BABAM2: variants seen among roughly 807,000 people sequenced by gnomAD.
BABAM2 encodes BRISC and BRCA1 A complex member 2.
A neutral mutation model predicts 54.7 loss-of-function variants in BABAM2; 31 were observed. That is an observed-to-expected ratio of 0.57 (90% confidence interval 0.43 to 0.77). BABAM2 has a LOEUF of 0.77. Ranked by LOEUF, BABAM2 falls within the 30% of genes least tolerant of loss-of-function variation. The pLI is 0.00. For missense variants in BABAM2, 364 were observed against 455.8 expected (o/e 0.80, Z 1.83); for synonymous variants, 167 against 162.9 (o/e 1.03, Z -0.19).
chr2:27,936,173 G>A (rs1225942452), intron 3 of BABAM2, among the ~76,000 whole-genome samples: 1 of 152,050 alleles, frequency 6.6e-6, no homozygotes, highest in African/African-American at 2.4e-5. Flanking sequence ...ACCCACCTTC[G>A]CCTCCCAAAG....
rs144150514 is a variant in BABAM2, at chr2:27,975,457, C to T, written c.206-12536C>T. On this transcript the variant is annotated intron_variant, in intron 3 of 11. Coordinates refer to ENST00000379624, the MANE Select transcript of BABAM2 (RefSeq NM_199191.3). ...TATGGTCAATGATTTTCCACAAAAA[C>T]GCAAAGGCACTTCAATGGCAAAAGG... 4.7e-3 allele frequency among the ~76,000 whole-genome samples: 719 copies of T among 152,114 alleles called. 6 individuals carry two copies. The highest frequency in any genetic ancestry group is 0.017 in the African/African-American group (696 of 41,524).
intron 3 of BABAM2, among the ~76,000 whole-genome samples, chr2:27,987,697 C>T (rs1335430685): frequency 6.6e-6 from 1 of 151,544 alleles, no homozygotes; most frequent in Non-Finnish European, 1.5e-5. Context: ...TTCCTGTAGG[C>T]TCAGCTCCTT....
chr2:28,088,265 C>T (rs1169416921), intron 6 of BABAM2, among the ~76,000 whole-genome samples: 1 of 152,030 alleles, frequency 6.6e-6, no homozygotes, highest in Admixed American at 6.6e-5. Flanking sequence ...ATCACTAGTA[C>T]TTACAATATT....
At chr2:27,923,678 A>G (rs1667486628) in intron 2 of BABAM2, among the ~76,000 whole-genome samples, 1 of 151,722 alleles carries the variant, frequency 6.6e-6, no homozygotes, top group South Asian at 2.1e-4. Context: ...AATCAAAACA[A>G]TGCAGAAAGC....
intron 9 of BABAM2, 110 bp downstream of exon 9, chr2:28,241,503 T>G (rs561746143): frequency 9.1e-6 from 3 of 328,206 alleles, no homozygotes; most frequent in African/African-American, 4.6e-5. Flanking sequence ...ACATGATACC[T>G]TTTTTTTTTT....
chr2:28,192,234 C>T (rs1676992868), intron 7 of BABAM2, among the ~76,000 whole-genome samples: 1 of 151,998 alleles, frequency 6.6e-6, no homozygotes, highest in African/African-American at 2.4e-5. Flanking sequence ...CGGGGTTTCA[C>T]CATGTTAGCC....
Position 28,184,949 on chromosome 2 carries a change from T to C in BABAM2, c.681-52253T>C, listed in dbSNP as rs144479537. Among the ~76,000 whole-genome samples the C allele has an allele frequency of 3.9e-3, 594 of 152,350 alleles. 5 individuals carry two copies. The highest frequency in any genetic ancestry group is 0.013 in the African/African-American group (551 of 41,580). ...TTCTTAAGACTTTATCTTGATAATTTTTTTCTTGGTTCATAATGAAATGGA... is the reference window on the plus strand; with the variant it reads ...TTCTTAAGACTTTATCTTGATAATTCTTTTCTTGGTTCATAATGAAATGGA... On this transcript the variant is annotated intron_variant, in intron 7 of 11. Transcript: ENST00000379624.
chr2:28,277,264 C>A (rs1265449497), intron 10 of BABAM2, among the ~76,000 whole-genome samples: 1 of 152,092 alleles, frequency 6.6e-6, no homozygotes, highest in Non-Finnish European at 1.5e-5. Context: ...CGCCACCACA[C>A]CTAGCTAATT....
intron 6 of BABAM2, among the ~76,000 whole-genome samples, chr2:28,076,473 TTTATTTATTTAGTTAG>T (rs1015623796): frequency 6.8e-6 from 1 of 146,270 alleles, no homozygotes; most frequent in Non-Finnish European, 1.5e-5. Flanking sequence ...TATTTATTTA[TTTATTTATTTAGTTAG>T]TTAGTTAGTT....
chr2:28,013,333 A>C (rs1213198742), intron 4 of BABAM2: 1 of 455,810 alleles, frequency 2.2e-6, no homozygotes, highest in South Asian at 1.5e-5. Flanking sequence ...AACATGCCCT[A>C]GAATTCCTCT....
At chr2:28,142,558 A>C in intron 7 of BABAM2, among the ~76,000 whole-genome samples, 1 of 151,778 alleles carries the variant, frequency 6.6e-6, no homozygotes, top group African/African-American at 2.4e-5. Flanking sequence ...TCCCTACTCC[A>C]CCCTAATCTT....
chr2:28,298,430 G>A lies in BABAM2; in HGVS notation c.1027G>A (p.Ala343Thr), dbSNP rs373592489. The A allele has an allele frequency of 1.6e-5, 26 of 1,613,948 alleles. No homozygotes were observed. The highest frequency in any genetic ancestry group is 2.2e-5 in the Non-Finnish European group (26 of 1,180,018). Residue 343 changes from alanine (A) to threonine (T), a missense_variant, in exon 11 of 12, where the codon GCC (alanine) becomes ACC (threonine). By Grantham distance (58) the Ala-to-Thr change is moderately conservative (BLOSUM62 0). Coordinates refer to ENST00000379624, the MANE Select transcript of BABAM2 (RefSeq NM_199191.3). Reference sequence around the variant, plus strand: ...CAACAGTGGACAGCTTTACTCCCAGGCCCAAAAAAATTATCCGTACAGCCC... The same window carrying A: ...CAACAGTGGACAGCTTTACTCCCAGACCCAAAAAAATTATCCGTACAGCCC... ...FTNSGQLYSQ[A>T]QKNYPYSPRW...
At chr2:28,000,103 A>C (rs879859060) in intron 4 of BABAM2, among the ~76,000 whole-genome samples, 1 of 152,180 alleles carries the variant, frequency 6.6e-6, no homozygotes, top group Non-Finnish European at 1.5e-5. Flanking sequence ...ACTATGGTAC[A>C]TTTGTGACAA....
chr2:28,215,195 T>C (rs191379910), intron 7 of BABAM2, among the ~76,000 whole-genome samples: 1 of 152,252 alleles, frequency 6.6e-6, no homozygotes, highest in East Asian at 1.9e-4. Flanking sequence ...TTGAGGTAGG[T>C]AGAGAGCAAG....
chr2:28,251,913 A>G (rs1168098918), intron 10 of BABAM2, among the ~76,000 whole-genome samples: 3 of 152,154 alleles, frequency 2.0e-5, no homozygotes, highest in African/African-American at 7.2e-5. Context: ...CTATCAGGCT[A>G]GGTGCAGTGG....
intron 7 of BABAM2, among the ~76,000 whole-genome samples, chr2:28,225,544 A>G (rs1197306110): frequency 6.6e-6 from 1 of 152,192 alleles, no homozygotes; most frequent in Non-Finnish European, 1.5e-5. Flanking sequence ...AAGAGCATAT[A>G]TGATTCATGT....
Position 28,065,328 on chromosome 2 carries a change from C to T in BABAM2, c.570+19529C>T, listed in dbSNP as rs527930913. Among the ~76,000 whole-genome samples, 89 of 152,274 alleles carry T rather than the reference C, an allele frequency of 5.8e-4. 2 individuals carry two copies. The highest frequency in any genetic ancestry group is 2.0e-3 in the African/African-American group (85 of 41,550). ...ATTGAGAGTCTTCCTATTCCTGATCCGGTCAGACTGCTCTGGCTTCTCACT... is the reference window on the plus strand; with the variant it reads ...ATTGAGAGTCTTCCTATTCCTGATCTGGTCAGACTGCTCTGGCTTCTCACT... On this transcript the variant is annotated intron_variant, in intron 6 of 11. Coordinates refer to ENST00000379624, the MANE Select transcript of BABAM2 (RefSeq NM_199191.3).
At chr2:28,309,792 G>A in intron 11 of BABAM2, 2 of 369,854 alleles carry the variant, frequency 5.4e-6, no homozygotes, top group South Asian at 8.2e-5. Context: ...CCCCACAAGA[G>A]AGATGAGGGA....
At chr2:28,013,732 T>TACAC (rs1558657061) in intron 4 of BABAM2, among the ~76,000 whole-genome samples, 170 of 98,084 alleles carry the variant, frequency 1.7e-3, no homozygotes, top group African/African-American at 5.2e-3. Context: ...CACACACACG[T>TACAC]GTGTGTGTGT....
Sources: allele counts gnomAD v4.1 joint callset (sites outside exome capture counted in the v4.1 genomes callset), GRCh38; gene constraint gnomAD v4.1.1; transcripts MANE v1.5; gene names NCBI Gene and HGNC (gene_info 2026-07-23, HGNC 2026-07-21).